COL19A1: variants seen among roughly 807,000 people sequenced by gnomAD.
COL19A1 encodes the protein collagen alpha-1(XIX) chain.
COL19A1 carries 159 observed loss-of-function variants against 190.2 expected under a neutral mutation model. The ratio of observed to expected loss-of-function variants is 0.84; its 90% CI spans 0.73 to 0.95. The LOEUF (loss-of-function observed/expected upper bound fraction) is 0.95. Ranked by LOEUF, COL19A1 falls within the 40% of genes least tolerant of loss-of-function variation. The pLI is 0.00. For synonymous variants in COL19A1, 509 were observed against 458.9 expected, an observed-to-expected ratio of 1.11 and a Z score of -1.39; for missense variants, 1,418 against 1,431.9, an observed-to-expected ratio of 0.99 and a Z score of 0.16.
chr6:70,164,071 T>C (rs1787981867), intron 36 of COL19A1, among the ~76,000 whole-genome samples: 1 of 152,142 alleles, frequency 6.6e-6, no homozygotes, highest in Non-Finnish European at 1.5e-5. Context: ...AGGACCAAGA[T>C]TCTGGTAACC....
intron 48 of COL19A1, among the ~76,000 whole-genome samples, chr6:70,192,902 T>C (rs2082454266): frequency 6.6e-6 from 1 of 152,180 alleles, no homozygotes; most frequent in African/African-American, 2.4e-5. Context: ...ATTTTTGAAT[T>C]GCAATCTAAA....
chr6:69,878,524 T>A (rs1322807275), intron 1 of COL19A1, among the ~76,000 whole-genome samples: 3 of 152,064 alleles, frequency 2.0e-5, no homozygotes, highest in South Asian at 2.1e-4. Context: ...ATATATATAT[T>A]TTTTAAAAGA....
At chr6:69,983,103 A>G (rs924742678) in intron 11 of COL19A1, among the ~76,000 whole-genome samples, 4 of 151,978 alleles carry the variant, frequency 2.6e-5, no homozygotes, top group Non-Finnish European at 4.4e-5. Context: ...CTTTCAATCT[A>G]TAGATGTTTG....
intron 6 of COL19A1, among the ~76,000 whole-genome samples, chr6:69,930,603 G>C (rs1304846372): frequency 2.0e-5 from 3 of 152,044 alleles, no homozygotes; most frequent in Admixed American, 1.3e-4. Flanking sequence ...CAGATGACGA[G>C]GTCAGGAGAT....
intron 49 of COL19A1, among the ~76,000 whole-genome samples, chr6:70,206,431 C>T (rs919604942): frequency 5.9e-5 from 9 of 152,114 alleles, no homozygotes; most frequent in African/African-American, 2.2e-4. Flanking sequence ...GAGTTCGAGA[C>T]TAGCCTGGCC....
rs2150228952 is a variant in COL19A1, at chr6:70,135,917, G to A, written c.1384-1768G>A. Among the ~76,000 whole-genome samples the A allele has an allele frequency of 2.0e-5, 3 of 152,238 alleles. No homozygotes were observed. In the Middle Eastern group the frequency reaches 0.01, roughly 518 times the overall value. On this transcript the variant is annotated intron_variant, in intron 18 of 50. Coordinates refer to ENST00000620364, the MANE Select transcript of COL19A1 (RefSeq NM_001858.6). ...TCTTCTTGGTTCCACCCAGGGGGTG[G>A]AATTGTTGGTTCCAGCTGTTGTTAC...
intron 12 of COL19A1, among the ~76,000 whole-genome samples, chr6:70,033,386 T>C (rs1479935685): frequency 2.0e-5 from 3 of 152,170 alleles, no homozygotes; most frequent in Non-Finnish European, 4.4e-5. Context: ...TTCAGAATAC[T>C]TCTTTCTTCT....
chr6:70,184,950 C>T (rs1562253361), intron 46 of COL19A1, 35 bp downstream of exon 46: 1 of 1,588,902 alleles, frequency 6.3e-7, no homozygotes, highest in Non-Finnish European at 8.6e-7. Context: ...TTATTCAAGT[C>T]TGTCTGTTAC....
intron 2 of COL19A1, among the ~76,000 whole-genome samples, chr6:69,897,144 G>A (rs767832811): frequency 3.9e-5 from 6 of 152,122 alleles, no homozygotes; most frequent in African/African-American, 7.2e-5. Context: ...TCTTTAGTTA[G>A]TTTTTGTGCA....
At chr6:70,059,837 C>T in intron 14 of COL19A1, 1 of 502,980 alleles carries the variant, frequency 2.0e-6, no homozygotes, top group Non-Finnish European at 4.0e-6. Flanking sequence ...AGAAATAACT[C>T]AATTTACAGT....
intron 11 of COL19A1, among the ~76,000 whole-genome samples, chr6:70,010,780 G>T (rs1777961440): frequency 7.8e-6 from 1 of 127,750 alleles, no homozygotes. Flanking sequence ...ACGAGGCTGG[G>T]GGAGGGGCGC....
intron 9 of COL19A1, among the ~76,000 whole-genome samples, chr6:69,954,346 G>A (rs539059369): frequency 2.6e-5 from 4 of 152,074 alleles, no homozygotes; most frequent in South Asian, 2.1e-4. Flanking sequence ...CTGACCCAGC[G>A]TATGGTACCT....
intron 18 of COL19A1, among the ~76,000 whole-genome samples, chr6:70,135,656 AAAGAG>A (rs1785818913): frequency 6.6e-6 from 1 of 152,194 alleles, no homozygotes; most frequent in Non-Finnish European, 1.5e-5. Context: ...ATCAGCCAGC[AAAGAG>A]ACCGGAATTG....
intron 3 of COL19A1, 103 bp downstream of exon 3, chr6:69,899,125 G>T: frequency 4.3e-6 from 3 of 705,216 alleles, no homozygotes; most frequent in Non-Finnish European, 4.8e-6. Context: ...TGCAATTTAA[G>T]ATCATAGCAT....
intron 15 of COL19A1, among the ~76,000 whole-genome samples, chr6:70,086,820 A>G (rs1181583908): frequency 6.6e-6 from 1 of 152,184 alleles, no homozygotes; most frequent in African/African-American, 2.4e-5. Context: ...GTACCTTTCA[A>G]AAAGTTACGT....
intron 44 of COL19A1, among the ~76,000 whole-genome samples, chr6:70,183,655 A>ACT (rs1766321915): frequency 2.0e-5 from 3 of 152,126 alleles, no homozygotes; most frequent in Admixed American, 1.3e-4. Flanking sequence ...TATTTAACGT[A>ACT]CTCTCAATAA....
intron 11 of COL19A1, among the ~76,000 whole-genome samples, chr6:69,985,456 T>A (rs1776262847): frequency 6.6e-6 from 1 of 152,130 alleles, no homozygotes. Context: ...ACTCAGAGAC[T>A]TTTCAGTCAG....
Position 70,146,686 on chromosome 6 carries a change from G to T in COL19A1, c.1798G>T (p.Gly600Cys). Residue 600 changes from glycine to cysteine, a missense_variant, in exon 26 of 51, where the codon GGT becomes TGT. Transcript: ENST00000620364. Reference protein sequence around the residue: ...PGLDGNPGAPGPRGPKGERGL... With the variant: ...PGLDGNPGAPCPRGPKGERGL... The stretch of plus-strand genomic sequence containing the variant: ...ATTAGATGGAAATCCTGGAGCACCT[G>T]GTCCACGTGGGCCAAAGGTATACAA... 4 of 1,606,580 alleles carry T rather than the reference G, an allele frequency of 2.5e-6. No individual in the cohort carries two copies. The highest frequency in any genetic ancestry group is 3.4e-6 in the Non-Finnish European group (4 of 1,176,688).
intron 9 of COL19A1, among the ~76,000 whole-genome samples, chr6:69,946,146 C>T (rs1043594187): frequency 6.6e-6 from 1 of 151,770 alleles, no homozygotes; most frequent in South Asian, 2.1e-4. Context: ...TTGAAAGCAT[C>T]GGATAGGATG....
Sources: allele counts gnomAD v4.1 joint callset (sites outside exome capture counted in the v4.1 genomes callset), GRCh38; gene constraint gnomAD v4.1.1; transcripts MANE v1.5; gene names NCBI Gene and HGNC (gene_info 2026-07-23, HGNC 2026-07-21).